The following PCDH7 variants were observed in gnomAD, a reference collection of about 807,000 sequenced individuals.
PCDH7 encodes the protein protocadherin 7, also known as protocadherin-7.
A neutral mutation model predicts 58.9 loss-of-function variants in PCDH7; 17 were observed. The ratio of observed to expected loss-of-function variants is 0.29; its 90% CI spans 0.20 to 0.43. The LOEUF (loss-of-function observed/expected upper bound fraction) is 0.43. PCDH7 is among the 20% of genes least tolerant of loss of function. The probability of loss-of-function intolerance (pLI) is 1.00; values close to 1 mark genes in which losing one functional copy is unlikely to be tolerated. For synonymous variants in PCDH7, 664 were observed against 616.4 expected (o/e 1.08, Z -1.14); for missense variants, 1,274 against 1,441.0 (o/e 0.88, Z 1.88).
chr4:30,748,660 T>C (rs78335066), intron 1 of PCDH7, among the ~76,000 whole-genome samples: 5,532 of 152,266 alleles, frequency 0.036, 262 homozygotes, highest in East Asian at 0.22. Flanking sequence ...GTTTTTGATA[T>C]ACGAATTTTG....
intron 1 of PCDH7, among the ~76,000 whole-genome samples, chr4:30,749,384 T>G (rs773064575): frequency 5.9e-5 from 9 of 152,308 alleles, no homozygotes; most frequent in Non-Finnish European, 1.2e-4. Flanking sequence ...TGCAAGTTTT[T>G]TTCTTCGTCA....
intron 1 of PCDH7, among the ~76,000 whole-genome samples, chr4:30,916,483 A>G (rs1299261857): frequency 6.6e-6 from 1 of 152,218 alleles, no homozygotes; most frequent in Non-Finnish European, 1.5e-5. Context: ...TACTTATTCA[A>G]GTCTGTAGCT....
intron 3 of PCDH7, among the ~76,000 whole-genome samples, chr4:31,004,308 A>G (rs1448945260): frequency 6.6e-6 from 1 of 152,190 alleles, no homozygotes; most frequent in Non-Finnish European, 1.5e-5. Context: ...TCACAGGAAG[A>G]AGCCATACAC....
Position 30,724,800 on chromosome 4 carries a change from G to C in PCDH7, c.3174+204G>C, listed in dbSNP as rs182677316. 2.9e-6 allele frequency: 4 copies of C among 1,397,198 alleles called. No homozygotes were observed. In the South Asian group the frequency reaches 5.6e-5, roughly 19 times the overall value. 86.6% of individuals were successfully genotyped at this position (1,397,198 alleles called of 1,614,324 possible). On this transcript the variant is annotated intron_variant, in intron 1 of 1. Transcript: ENST00000361762. ...ACTGTATTTTGCAAATTAGAATTAA[G>C]GTTCACTAAACTACTGAAAGAAGTA...
chr4:30,767,319 A>G (rs147740031), intron 1 of PCDH7, among the ~76,000 whole-genome samples: 10 of 152,194 alleles, frequency 6.6e-5, no homozygotes, highest in Admixed American at 6.5e-4. Context: ...TTAATCTATG[A>G]TCTAATCGGA....
rs561725580 is a variant in PCDH7 at position 31,010,969 on chromosome 4, C to T, written c.*7+60754C>T. On this transcript the variant is annotated intron_variant, in intron 3 of 3. Transcript: ENST00000509759. Reference sequence around the variant, plus strand: ...TAAATGCCAGCCTCCTTCTTTCCCCCGATAAATCTGTTGAAATATTTTTTC... The same window carrying T: ...TAAATGCCAGCCTCCTTCTTTCCCCTGATAAATCTGTTGAAATATTTTTTC... Among the ~76,000 whole-genome samples, 21 of 152,048 alleles carry T rather than the reference C, an allele frequency of 1.4e-4. No homozygotes were observed. The South Asian group carries it at 2.1e-3, about 15-fold the overall frequency.
At chr4:31,084,686 G>A (rs1578753567) in intron 3 of PCDH7, among the ~76,000 whole-genome samples, 1 of 128,452 alleles carries the variant, frequency 7.8e-6, no homozygotes, top group Non-Finnish European at 1.7e-5. Flanking sequence ...GATAAAGGGG[G>A]AGGGGAGGGA....
chr4:30,896,798 C>A (rs887008494), intron 1 of PCDH7, among the ~76,000 whole-genome samples: 3 of 149,544 alleles, frequency 2.0e-5, no homozygotes, highest in Non-Finnish European at 4.4e-5. Context: ...TTGCAATTTG[C>A]ACGTATCTTT....
chr4:30,725,254 A>G, intron 1 of PCDH7: 1 of 992,170 alleles, frequency 1.0e-6, no homozygotes, highest in Non-Finnish European at 1.2e-6. Flanking sequence ...AGTGTTCTAT[A>G]ATGATATGCA....
intron 1 of PCDH7, among the ~76,000 whole-genome samples, chr4:30,752,219 C>T (rs537813117): frequency 6.6e-6 from 1 of 152,150 alleles, no homozygotes; most frequent in Admixed American, 6.5e-5. Flanking sequence ...CTGCAACTTC[C>T]GCCTGCGGGT....
chr4:30,990,548 G>A (rs1044586302), intron 3 of PCDH7, among the ~76,000 whole-genome samples: 2 of 151,878 alleles, frequency 1.3e-5, no homozygotes, highest in Admixed American at 1.3e-4. Flanking sequence ...TTTATATATG[G>A]TACAATGTTT....
intron 3 of PCDH7, among the ~76,000 whole-genome samples, chr4:30,955,043 C>CAT (rs1287936148): frequency 6.6e-6 from 1 of 151,966 alleles, no homozygotes; most frequent in African/African-American, 2.4e-5. Flanking sequence ...CACAAACTTG[C>CAT]ATCATAAATT....
At chr4:31,094,543 G>T (rs1713694324) in intron 3 of PCDH7, among the ~76,000 whole-genome samples, 1 of 152,082 alleles carries the variant, frequency 6.6e-6, no homozygotes. Flanking sequence ...ATCACAGACA[G>T]GTCACACTGA....
chr4:30,950,710 T>C (rs1472481298), intron 3 of PCDH7, among the ~76,000 whole-genome samples: 4 of 152,194 alleles, frequency 2.6e-5, no homozygotes, highest in African/African-American at 4.8e-5. Flanking sequence ...TTAATAAATC[T>C]AAATACCCTA....
At chr4:30,903,442 C>A (rs1740488970) in intron 1 of PCDH7, among the ~76,000 whole-genome samples, 1 of 151,912 alleles carries the variant, frequency 6.6e-6, no homozygotes, top group Admixed American at 6.6e-5. Flanking sequence ...TCATTTCTTT[C>A]AAGTTCCTGG....
intron 1 of PCDH7, among the ~76,000 whole-genome samples, chr4:30,809,221 CAAAG>C (rs1560392180): frequency 6.6e-6 from 1 of 152,060 alleles, no homozygotes; most frequent in African/African-American, 2.4e-5. Flanking sequence ...TGAAGGCAAA[CAAAG>C]AAAACTCATA....
intron 3 of PCDH7, among the ~76,000 whole-genome samples, chr4:31,105,926 G>A (rs1300173174): frequency 6.6e-6 from 1 of 151,538 alleles, no homozygotes; most frequent in Non-Finnish European, 1.5e-5. Context: ...AGAATGGCGT[G>A]AACCCGGGAG....
At chr4:31,084,916 C>T (rs28823038) in intron 3 of PCDH7, among the ~76,000 whole-genome samples, 10 of 152,126 alleles carry the variant, frequency 6.6e-5, no homozygotes, top group Admixed American at 2.6e-4. Flanking sequence ...GATCTGCCCC[C>T]GTGGTCCAAA....
At chr4:30,995,666 T>C (rs896269342) in intron 3 of PCDH7, among the ~76,000 whole-genome samples, 2 of 152,182 alleles carry the variant, frequency 1.3e-5, no homozygotes, top group African/African-American at 4.8e-5. Flanking sequence ...TGAACTAGAA[T>C]CAAGGTGTCA....
Sources: gnomAD v4.1 joint callset for allele counts (sites outside exome capture counted in the v4.1 genomes callset) on GRCh38, gnomAD v4.1.1 for gene constraint, MANE v1.5 for transcripts, NCBI Gene and HGNC (gene_info 2026-07-23, HGNC 2026-07-21) for gene names.